THSD4: variants seen among roughly 807,000 people sequenced by gnomAD.
THSD4 encodes the protein thrombospondin type 1 domain containing 4.
THSD4 carries 69 observed loss-of-function variants against 119.0 expected under a neutral mutation model. That is an observed-to-expected ratio of 0.58 (90% CI 0.48 to 0.71). The LOEUF (loss-of-function observed/expected upper bound fraction) is 0.71, where lower values mean the gene tolerates loss of function less well. Ranked by LOEUF, THSD4 falls within the 30% of genes least tolerant of loss-of-function variation. The pLI, the probability that THSD4 is intolerant of heterozygous loss-of-function variation, is 0.00. For missense variants in THSD4, 1,393 were observed against 1,391.1 expected, an observed-to-expected ratio of 1.00 and a Z score of -0.02; for synonymous variants, 524 against 540.4, an observed-to-expected ratio of 0.97 and a Z score of 0.42.
At chr15:71,218,147 G>A (rs2043949423) in intron 4 of THSD4, among the ~76,000 whole-genome samples, 1 of 152,184 alleles carries the variant, frequency 6.6e-6, no homozygotes. Context: ...CATTTTAGAG[G>A]TAAGGAAATA....
chr15:71,765,196 C>G lies in THSD4; in HGVS notation c.2766C>G (p.Ser922Arg), dbSNP rs780318826. Reference protein sequence around the residue: ...CGAKWFSTEWSMCSKSCQGGF... With the variant: ...CGAKWFSTEWRMCSKSCQGGF... Reference sequence around the variant, plus strand: ...CCAAATGGTTTAGCACCGAATGGAGCATGGTAAGTCATGGTGCTCTTGATG... The same window carrying G: ...CCAAATGGTTTAGCACCGAATGGAGGATGGTAAGTCATGGTGCTCTTGATG... Residue 922 changes from serine to arginine, a missense_variant, in exon 16 of 18, where the codon AGC becomes AGG. Ser to Arg is a moderately radical substitution (Grantham distance 110). Coordinates refer to ENST00000261862, the MANE Select transcript of THSD4 (RefSeq NM_024817.3). The G allele has an allele frequency of 4.3e-6, 7 of 1,613,394 alleles. No individual in the cohort carries two copies. The Admixed American group carries it at 1.0e-4, about 23-fold the overall frequency.
intron 8 of THSD4, among the ~76,000 whole-genome samples, chr15:71,700,991 A>G (rs1230074741): frequency 2.6e-5 from 4 of 152,062 alleles, no homozygotes; most frequent in Non-Finnish European, 5.9e-5. Context: ...CAAGAACTAA[A>G]CTCTTTTGGC....
At chr15:71,378,754 G>C (rs1041651813) in intron 6 of THSD4, among the ~76,000 whole-genome samples, 1 of 152,056 alleles carries the variant, frequency 6.6e-6, no homozygotes, top group African/African-American at 2.4e-5. Flanking sequence ...TTTCTTCTAG[G>C]TATAAGAAGG....
chr15:71,728,940 C>T (rs1247434343), intron 9 of THSD4: 3 of 597,970 alleles, frequency 5.0e-6, no homozygotes, highest in Non-Finnish European at 8.8e-6. Flanking sequence ...CCACCAGATG[C>T]TTATTACCTT....
chr15:71,344,038 CT>C (rs34729777), intron 6 of THSD4, among the ~76,000 whole-genome samples: 31,909 of 120,380 alleles, frequency 0.27, 3,822 homozygotes, highest in South Asian at 0.4. Context: ...AGCCAGGATT[CT>C]TTTTTTTTTT....
intron 1 of THSD4, among the ~76,000 whole-genome samples, chr15:71,123,222 G>A (rs2040422518): frequency 6.6e-6 from 1 of 152,218 alleles, no homozygotes; most frequent in Non-Finnish European, 1.5e-5. Flanking sequence ...CTGTGCGTTA[G>A]TGGTCCTGTG....
At chr15:71,602,280 G>T (rs552244982) in intron 7 of THSD4, among the ~76,000 whole-genome samples, 2 of 151,952 alleles carry the variant, frequency 1.3e-5, no homozygotes, top group South Asian at 4.2e-4. Context: ...TCGGCCAGGC[G>T]CAGTGGCTCA....
intron 6 of THSD4, among the ~76,000 whole-genome samples, chr15:71,322,885 C>T (rs2045287263): frequency 6.6e-6 from 1 of 151,918 alleles, no homozygotes; most frequent in African/African-American, 2.4e-5. Flanking sequence ...TCACTTGAGC[C>T]CAGGAGTTCA....
At chr15:71,148,094 C>T (rs1049435008) in intron 2 of THSD4, among the ~76,000 whole-genome samples, 6 of 150,934 alleles carry the variant, frequency 4.0e-5, no homozygotes, top group African/African-American at 1.5e-4. Context: ...CAATAAAAAC[C>T]AATTTGCAGT....
intron 7 of THSD4, among the ~76,000 whole-genome samples, chr15:71,574,293 C>T (rs3923493): frequency 0.33 from 49,660 of 152,030 alleles, 8,165 homozygotes; most frequent in Middle Eastern, 0.4. Flanking sequence ...AGTTTTGAAC[C>T]TTGCAACAAC....
chr15:71,369,424 T>C (rs2046012504), intron 6 of THSD4, among the ~76,000 whole-genome samples: 1 of 152,232 alleles, frequency 6.6e-6, no homozygotes, highest in South Asian at 2.1e-4. Flanking sequence ...GGGATTGTCA[T>C]GGATAGCTCT....
chr15:71,549,205 G>C (rs933541882), intron 7 of THSD4, among the ~76,000 whole-genome samples: 13 of 152,218 alleles, frequency 8.5e-5, no homozygotes, highest in African/African-American at 2.4e-4. Context: ...AAGTATGTGT[G>C]CTTAACATGA....
rs184073345 is a variant in THSD4 at position 71,754,758 on chromosome 15, T to C, written c.2416-3144T>C. ...CAGATAAAAAGCATACCAATTTTGTTTGATGTTAATATTTTTGTAGTGGCA... is the reference window on the plus strand; with the variant it reads ...CAGATAAAAAGCATACCAATTTTGTCTGATGTTAATATTTTTGTAGTGGCA... On this transcript the variant is annotated intron_variant, in intron 14 of 17. Transcript: ENST00000261862. 4.6e-5 allele frequency among the ~76,000 whole-genome samples: 7 copies of C among 152,292 alleles called. No homozygotes were observed. In the South Asian group the frequency reaches 8.3e-4, roughly 18 times the overall value.
intron 7 of THSD4, among the ~76,000 whole-genome samples, chr15:71,447,190 G>A (rs1046223193): frequency 3.7e-5 from 5 of 134,702 alleles, no homozygotes; most frequent in African/African-American, 8.4e-5. Context: ...ATGCGATCAC[G>A]GCTCACTGCA....
intron 6 of THSD4, among the ~76,000 whole-genome samples, chr15:71,385,604 C>G (rs577656006): frequency 2.7e-5 from 4 of 148,726 alleles, no homozygotes; most frequent in African/African-American, 9.9e-5. Flanking sequence ...AAATTTGAAC[C>G]TGGTTTGAAT....
intron 6 of THSD4, among the ~76,000 whole-genome samples, chr15:71,332,891 C>CAT (rs2045441726): frequency 2.6e-5 from 1 of 38,036 alleles, no homozygotes; most frequent in South Asian, 9.0e-4. Flanking sequence ...GATTTTTTTA[C>CAT]ATTTTTTTTT....
intron 8 of THSD4, among the ~76,000 whole-genome samples, chr15:71,670,803 T>C (rs955838035): frequency 6.6e-6 from 1 of 151,780 alleles, no homozygotes. Context: ...GCTTCATCCA[T>C]GTCCCTACAA....
At chr15:71,327,524 T>C (rs1314997699) in intron 6 of THSD4, among the ~76,000 whole-genome samples, 1 of 152,204 alleles carries the variant, frequency 6.6e-6, no homozygotes, top group Non-Finnish European at 1.5e-5. Context: ...GAAAGTTTCA[T>C]TGCGTTTGTC....
At chr15:71,523,946 A>G (rs2048479044) in intron 7 of THSD4, among the ~76,000 whole-genome samples, 1 of 152,202 alleles carries the variant, frequency 6.6e-6, no homozygotes, top group Admixed American at 6.5e-5. Context: ...ACAGGTGTCT[A>G]TCCTGCAGGA....
Sources: allele counts gnomAD v4.1 joint callset (sites outside exome capture counted in the v4.1 genomes callset), GRCh38; gene constraint gnomAD v4.1.1; transcripts MANE v1.5; gene names NCBI Gene and HGNC (gene_info 2026-07-23, HGNC 2026-07-21).